The following CNOT11 variants were observed in gnomAD, a reference collection of about 807,000 sequenced individuals.
CNOT11 encodes the protein UPF0760 protein C2orf29.
Under a neutral mutation model 44.6 loss-of-function variants are expected in CNOT11, and 18 were observed. The observed-to-expected ratio is 0.40, with a 90% CI of 0.28 to 0.60. The LOEUF (loss-of-function observed/expected upper bound fraction) is 0.60. Ranked by LOEUF, CNOT11 falls within the 20% of genes least tolerant of loss-of-function variation. The pLI is 0.38. For synonymous variants in CNOT11, 291 were observed against 270.9 expected (o/e 1.07, Z -0.73); for missense variants, 513 against 677.0 (o/e 0.76, Z 2.69).
intron 2 of CNOT11, 95 bp from the exon 3 acceptor site, chr2:101,262,444 G>GT (rs1681886486): frequency 8.9e-7 from 1 of 1,129,588 alleles, no homozygotes; most frequent in Admixed American, 2.1e-5. Flanking sequence ...CTGGCCCTTT[G>GT]TTTTTCTCTG....
At chr2:101,263,672 G>A (rs964232885) in intron 3 of CNOT11, among the ~76,000 whole-genome samples, 4 of 152,226 alleles carry the variant, frequency 2.6e-5, no homozygotes, top group Non-Finnish European at 5.9e-5. Flanking sequence ...AGTGACTTTT[G>A]TACCATTTGG....
Position 101,269,039 on chromosome 2 carries a change from G to C in CNOT11, c.1239-1G>C. On this transcript the variant is annotated splice_acceptor_variant, in intron 5 of 6. Coordinates refer to ENST00000289382, the MANE Select transcript of CNOT11 (RefSeq NM_017546.5). LOFTEE classifies it high-confidence loss of function. The surrounding 1 kb of genome is among the most constrained non-coding windows in gnomAD (Gnocchi z 4.8). ...GGGCCAAATTTTCTTTTACGAAACA[G>C]ACTAACTACAGCTGTTGATCTACCT... is the stretch of plus-strand genomic sequence containing the variant. The C allele has an allele frequency of 6.3e-7, 1 of 1,590,306 alleles. No homozygotes were observed. Among genetic ancestry groups the C allele is most frequent in the Non-Finnish European group, 8.6e-7 (1 of 1,166,754 alleles).
intron 1 of CNOT11, among the ~76,000 whole-genome samples, chr2:101,257,586 T>C (rs576366972): frequency 9.2e-5 from 14 of 152,286 alleles, no homozygotes; most frequent in African/African-American, 3.1e-4. Flanking sequence ...TTAAGTTTCA[T>C]TTGTAGGGCC....
In CNOT11 at chr2:101,269,334, G is replaced by A; in HGVS notation, c.1454G>A (p.Arg485Gln). 6.2e-7 allele frequency: 1 copy of A among 1,614,002 alleles called. No homozygotes were observed. The highest frequency in any genetic ancestry group is 8.5e-7 in the Non-Finnish European group (1 of 1,179,968). ...TTCTGTATTGAATTCAGTAGGATAC[G>A]AGAAGCTGCTGGTCTTTTCCGGTTG... Reference protein sequence around the residue: ...QAFCIEFSRIREAAGLFRLLK... With the variant: ...QAFCIEFSRIQEAAGLFRLLK... Residue 485 changes from arginine (R) to glutamine (Q), a missense_variant, in exon 7 of 7, where the codon CGA becomes CAA. Arg to Gln is a conservative substitution (Grantham distance 43, BLOSUM62 1). Transcript: ENST00000289382. This position sits in a 1 kb window ranked among gnomAD's most constrained non-coding sequence, Gnocchi z 4.8.
At chr2:101,259,335 G>C (rs549319880) in intron 2 of CNOT11, among the ~76,000 whole-genome samples, 1 of 152,188 alleles carries the variant, frequency 6.6e-6, no homozygotes, top group African/African-American at 2.4e-5. Flanking sequence ...TTTCAACTTT[G>C]TTCTCGTTCA....
Position 101,255,909 on chromosome 2 carries a change from A to C in CNOT11, c.515-1882A>C, listed in dbSNP as rs140377424. Among the ~76,000 whole-genome samples, 678 of 152,234 alleles carry C rather than the reference A, an allele frequency of 4.5e-3. 3 individuals carry two copies. The highest frequency in any genetic ancestry group is 0.016 in the African/African-American group (645 of 41,552). ...TCCCAGCACTTTGGGAGGCCAAGGC[A>C]GGCAGATCACTTGAGGCCAGGAGTT... On this transcript the variant is annotated intron_variant, in intron 1 of 6. Coordinates refer to ENST00000289382, the MANE Select transcript of CNOT11 (RefSeq NM_017546.5).
chr2:101,269,396 A>C lies in CNOT11; in HGVS notation c.1516A>C (p.Thr506Pro). The C allele has an allele frequency of 6.2e-7, 1 of 1,614,026 alleles. No homozygotes were observed. Among genetic ancestry groups the C allele is most frequent in the Non-Finnish European group, 8.5e-7 (1 of 1,179,958 alleles). ...TLDTGETPSE[T>P]KMSK ...GGATACTGGGGAAACACCTTCTGAG[A>C]CCAAAATGTCAAAATAATACCTCAT... Residue 506 changes from threonine (T) to proline (P), a missense_variant, in exon 7 of 7, where the codon ACC (threonine) becomes CCC (proline). By Grantham distance (38) the Thr-to-Pro change is conservative. Coordinates refer to ENST00000289382, the MANE Select transcript of CNOT11 (RefSeq NM_017546.5). This position sits in a 1 kb window ranked among gnomAD's most constrained non-coding sequence, Gnocchi z 4.8.
chr2:101,260,650 T>G (rs1186958315), intron 2 of CNOT11, among the ~76,000 whole-genome samples: 1 of 152,208 alleles, frequency 6.6e-6, no homozygotes, highest in Non-Finnish European at 1.5e-5. Flanking sequence ...GATGATGCAG[T>G]TTGTGTTTTC....
At chr2:101,258,966 T>C (rs1681793291) in intron 2 of CNOT11, among the ~76,000 whole-genome samples, 1 of 152,116 alleles carries the variant, frequency 6.6e-6, no homozygotes, top group Non-Finnish European at 1.5e-5. Context: ...AAACTTTGTC[T>C]CTGCAAATAA....
intron 5 of CNOT11, among the ~76,000 whole-genome samples, chr2:101,268,832 G>C (rs950735367): frequency 6.6e-6 from 1 of 152,188 alleles, no homozygotes; most frequent in Non-Finnish European, 1.5e-5. Flanking sequence ...ATATGTAAAT[G>C]TAAGTAGAGA....
chr2:101,267,232 C>T (rs1381533572), intron 5 of CNOT11, among the ~76,000 whole-genome samples: 1 of 151,724 alleles, frequency 6.6e-6, no homozygotes, highest in African/African-American at 2.4e-5. Flanking sequence ...AAGCAATTCT[C>T]CTGCCTTAGC....
rs762370007 is a variant in CNOT11 at position 101,262,531 on chromosome 2, A to T, written c.680-8A>T. On this transcript the variant is annotated splice_polypyrimidine_tract_variant and splice_region_variant and intron_variant, in intron 2 of 6. Transcript: ENST00000289382. ...TGTCCATAATTTTAAAATGTCTCCTATTTCCAGAACGCCAATCTGAATTGC... is the reference window on the plus strand; with the variant it reads ...TGTCCATAATTTTAAAATGTCTCCTTTTTCCAGAACGCCAATCTGAATTGC... The T allele has an allele frequency of 3.1e-6, 5 of 1,613,358 alleles. No individual in the cohort carries two copies. In the African/African-American group the frequency reaches 6.7e-5, roughly 22 times the overall value.
At position 101,253,289 on chromosome 2, in the gene CNOT11, G is replaced by C. The variant is rs1573195075; in HGVS notation, c.325G>C (p.Val109Leu). 3.1e-6 allele frequency: 5 copies of C among 1,611,282 alleles called. 1 individual carries two copies. In the Admixed American group the frequency reaches 8.3e-5, roughly 27 times the overall value. Residue 109 changes from valine to leucine, a missense_variant, in exon 1 of 7, where the codon GTC becomes CTC. Val to Leu is a conservative substitution (Grantham distance 32, BLOSUM62 1). Coordinates refer to ENST00000289382, the MANE Select transcript of CNOT11 (RefSeq NM_017546.5). The surrounding 1 kb of genome is among the most constrained non-coding windows in gnomAD (Gnocchi z 4.3). ...ADHFRLGSVL[V>L]MLLQQPDLLP... ...CCACTTCCGCCTGGGCTCGGTGCTC[G>C]TCATGCTGCTCCAGCAGCCCGACCT...
chr2:101,259,867 G>A (rs931151494), intron 2 of CNOT11, among the ~76,000 whole-genome samples: 9 of 152,138 alleles, frequency 5.9e-5, no homozygotes, highest in Non-Finnish European at 1.0e-4. Flanking sequence ...GGGAGACCCT[G>A]TCTCTACAAA....
At chr2:101,259,201 C>G (rs563735435) in intron 2 of CNOT11, among the ~76,000 whole-genome samples, 1 of 152,184 alleles carries the variant, frequency 6.6e-6, no homozygotes, top group Non-Finnish European at 1.5e-5. Context: ...CCCATATATG[C>G]AAGGGTTTAT....
chr2:101,254,881 G>C (rs901891110), intron 1 of CNOT11, among the ~76,000 whole-genome samples: 3 of 151,528 alleles, frequency 2.0e-5, no homozygotes, highest in Admixed American at 1.3e-4. Context: ...CACACACACA[G>C]ACAACCACCA....
chr2:101,253,362 A>T lies in CNOT11; in HGVS notation c.398A>T (p.Glu133Val). The change falls in exon 1 of 7, where the codon GAG (glutamate) becomes GTG (valine). Residue 133 changes from glutamate (E) to valine (V), a missense_variant. Coordinates refer to ENST00000289382, the MANE Select transcript of CNOT11 (RefSeq NM_017546.5). The surrounding 1 kb of genome is among the most constrained non-coding windows in gnomAD (Gnocchi z 4.3). ...CTCACGGCGCTCTACCTGCTCTGGG[A>T]GATGTACCGCACCGAGCCGCTGGCC... ...QRLTALYLLWEMYRTEPLAAN... is the reference protein window; with the variant it reads ...QRLTALYLLWVMYRTEPLAAN... 1 of 1,599,454 alleles carries T rather than the reference A, an allele frequency of 6.3e-7. No individual in the cohort carries two copies. The highest frequency in any genetic ancestry group is 8.5e-7 in the Non-Finnish European group (1 of 1,178,502).
intron 4 of CNOT11, among the ~76,000 whole-genome samples, chr2:101,265,500 C>G (rs570677940): frequency 1.2e-4 from 19 of 152,138 alleles, no homozygotes; most frequent in Middle Eastern, 3.4e-3. Flanking sequence ...TAGGAAGTTG[C>G]AAAGGTTTTT....
In CNOT11 at chr2:101,253,373, A is replaced by C. The variant is rs1393981393; in HGVS notation, c.409A>C (p.Thr137Pro). 1.3e-6 allele frequency: 2 copies of C among 1,594,206 alleles called. No homozygotes were observed. The highest frequency in any genetic ancestry group is 1.7e-6 in the Non-Finnish European group (2 of 1,176,750). Residue 137 changes from threonine to proline, a missense_variant, in exon 1 of 7, where the codon ACC becomes CCC. Coordinates refer to ENST00000289382, the MANE Select transcript of CNOT11 (RefSeq NM_017546.5). This position sits in a 1 kb window ranked among gnomAD's most constrained non-coding sequence, Gnocchi z 4.3. ...ALYLLWEMYR[T>P]EPLAANPFAA... The stretch of plus-strand genomic sequence containing the variant: ...CTACCTGCTCTGGGAGATGTACCGC[A>C]CCGAGCCGCTGGCCGCCAACCCCTT...
Sources: gnomAD v4.1 joint callset for allele counts (sites outside exome capture counted in the v4.1 genomes callset) on GRCh38, gnomAD v4.1.1 for gene constraint, Gnocchi (gnomAD v3.1) non-coding constraint, MANE v1.5 for transcripts, NCBI Gene and HGNC (gene_info 2026-07-23, HGNC 2026-07-21) for gene names.